Variants in MUC4 observed in about 807,000 individuals in gnomAD.
MUC4 encodes mucin-4.
Under a neutral mutation model 257.9 loss-of-function variants are expected in MUC4, and 202 were observed. The ratio of observed to expected loss-of-function variants is 0.78; its 90% CI spans 0.70 to 0.88. MUC4 has a LOEUF of 0.88. Among genes scored for constraint, MUC4 ranks in the 40% least tolerant of loss-of-function variants. The probability of loss-of-function intolerance (pLI) is 0.00; values close to 1 mark genes in which losing one functional copy is unlikely to be tolerated. For missense variants in MUC4, 5,976 were observed against 6,513.7 expected (o/e 0.92, Z 2.84); for synonymous variants, 2,351 against 2,757.1 (o/e 0.85, Z 4.62).
rs764345070 is a variant in MUC4, at chr3:195,778,987, G to C, written c.12593C>G (p.Thr4198Ser). The C allele has an allele frequency of 7.3e-7, 1 of 1,375,328 alleles. No individual in the cohort carries two copies. Among genetic ancestry groups the C allele is most frequent in the Non-Finnish European group, 9.6e-7 (1 of 1,044,116 alleles). 85.2% of individuals were successfully genotyped at this position (1,375,328 alleles called of 1,614,324 possible). A position where few individuals can be genotyped will look rare whatever the true frequency, so the allele number is the denominator to read the frequency against. Residue 4198 changes from threonine (T) to serine (S), a missense_variant, in exon 2 of 25, where the codon ACT becomes AGT. By Grantham distance (58) the Thr-to-Ser change is moderately conservative (BLOSUM62 1). Transcript: ENST00000463781. ...GGCGTGACCTGTGGATGCTGAGGAA[G>C]TGTCGGTGACAGGAAGAGGGGTGGT... ...GDTTPLPVTD[T>S]SSASTGHATP... is the part of the protein sequence containing the mutation.
chr3:195,789,875 G>A lies in MUC4; in HGVS notation c.1705C>T (p.Gln569Ter), dbSNP rs1469486728. The A allele has an allele frequency of 6.2e-7, 1 of 1,613,918 alleles. No homozygotes were observed. The highest frequency in any genetic ancestry group is 1.1e-5 in the South Asian group (1 of 91,052). Reference protein sequence around the residue: ...TGAGAQTQWTQETGTTGEALL... With the variant: ...TGAGAQTQWT The stretch of plus-strand genomic sequence containing the variant: ...GCCTCTCCAGTGGTCCCCGTTTCTT[G>A]TGTCCATTGTGTCTGGGCGCCTGCC... The change falls in exon 2 of 25, where the codon CAA becomes TAA. Residue 569 changes from glutamine (Q) to a stop codon, truncating the protein, a stop_gained. Transcript: ENST00000463781. LOFTEE classifies it high-confidence loss of function.
chr3:195,770,715 G>T (rs990082149), intron 5 of MUC4: 3 of 424,330 alleles, frequency 7.1e-6, no homozygotes, highest in African/African-American at 4.0e-5. Context: ...GAGAACAGGC[G>T]TGAGTCTCTT....
At position 195,747,272 on chromosome 3, in the gene MUC4, C is replaced by G; in HGVS notation, c.16143G>C (p.Leu5381Phe). The change falls in exon 25 of 25, where the codon TTG becomes TTC. Residue 5381 changes from leucine to phenylalanine, a missense_variant. Coordinates refer to ENST00000463781, the MANE Select transcript of MUC4 (RefSeq NM_018406.7). ...CCACGAACGTCCCGACCCCCAGCAG[C>G]AAGAGGCCGCCCAGGGCCCCAAAGA... ...GIFFGALGGLLLLGVGTFVVL... is the reference protein window; with the variant it reads ...GIFFGALGGLFLLGVGTFVVL... The G allele has an allele frequency of 6.2e-7, 1 of 1,614,228 alleles. No homozygotes were observed. Among genetic ancestry groups the G allele is most frequent in the Non-Finnish European group, 8.5e-7 (1 of 1,180,022 alleles).
intron 1 of MUC4, 102 bp downstream of exon 1, chr3:195,811,634 C>A: frequency 1.5e-6 from 1 of 655,070 alleles, no homozygotes. Context: ...CCCCTATTCT[C>A]TCTCTCTCTC....
At chr3:195,761,721 G>T (rs560173059) in intron 14 of MUC4, 136 bp from the exon 15 acceptor site, 5 of 684,128 alleles carry the variant, frequency 7.3e-6, no homozygotes, top group Non-Finnish European at 1.2e-5. Context: ...GCCTCCAGGG[G>T]AGCCGGGAGG....
chr3:195,747,438 C>T lies in MUC4; in HGVS notation c.16035-58G>A, dbSNP rs576219672. On this transcript the variant is annotated intron_variant, in intron 24 of 24. Coordinates refer to ENST00000463781, the MANE Select transcript of MUC4 (RefSeq NM_018406.7). ...AGGCGGGAGCTCAGCCTCCCAGCCC[C>T]TCCTCTTCTGCTGGGGAAGAAGAGG... 1.9e-5 allele frequency: 30 copies of T among 1,555,686 alleles called. No homozygotes were observed. The Admixed American group carries it at 5.3e-4, about 27-fold the overall frequency.
chr3:195,792,044 A>G (rs1036049765), intron 1 of MUC4, among the ~76,000 whole-genome samples: 2 of 152,192 alleles, frequency 1.3e-5, no homozygotes, highest in Non-Finnish European at 2.9e-5. Context: ...CTAGAAGAAA[A>G]CCTAGGCAAT....
chr3:195,748,115 G>C (rs1431590353), intron 24 of MUC4, among the ~76,000 whole-genome samples: 2 of 152,270 alleles, frequency 1.3e-5, no homozygotes, highest in African/African-American at 4.8e-5. Context: ...GCGGCTTCCT[G>C]CGCTGTTAAC....
At chr3:195,754,900 TGTATGTGTGTG>T (rs1717305212) in intron 18 of MUC4, among the ~76,000 whole-genome samples, 4 of 31,826 alleles carry the variant, frequency 1.3e-4, no homozygotes, top group Non-Finnish European at 2.3e-4. Flanking sequence ...TATCCATGTA[TGTATGTGTGTG>T]TCATGCATGT....
chr3:195,771,646 G>C lies in MUC4; in HGVS notation c.13242+6C>G, dbSNP rs541737556. The stretch of plus-strand genomic sequence containing the variant: ...GATCCTGACTGCCAGGCTTTGAAAG[G>C]CTCACCTGATAAAATGTGGTCCCCC... On this transcript the variant is annotated splice_donor_region_variant and intron_variant, in intron 5 of 24. Coordinates refer to ENST00000463781, the MANE Select transcript of MUC4 (RefSeq NM_018406.7). 48 of 1,611,986 alleles carry C rather than the reference G, an allele frequency of 3.0e-5. No homozygotes were observed. Among genetic ancestry groups the C allele is most frequent in the Non-Finnish European group, 3.6e-5 (43 of 1,178,480 alleles).
chr3:195,808,174 C>T (rs953922738), intron 1 of MUC4, among the ~76,000 whole-genome samples: 1 of 152,056 alleles, frequency 6.6e-6, no homozygotes. Flanking sequence ...GGTTCAATCA[C>T]CCTCCTTCCC....
intron 4 of MUC4, among the ~76,000 whole-genome samples, chr3:195,772,882 C>T (rs1160216888): frequency 9.2e-6 from 1 of 108,726 alleles, no homozygotes; most frequent in African/African-American, 3.7e-5. Context: ...GTGCTCAGGG[C>T]TATAGACACC....
rs1485884871 is a variant in MUC4 at position 195,782,730 on chromosome 3, A to G, written c.8850T>C (p.Thr2950=). The change falls in exon 2 of 25, where the codon ACT becomes ACC. Residue 2950 remains threonine, a synonymous_variant. Coordinates refer to ENST00000463781, the MANE Select transcript of MUC4 (RefSeq NM_018406.7). ...TGGCGTGACCTGTGGATGCTGAGGAAGTGTCGGTGACAGGAAGAGGGGTGG... is the reference window on the plus strand; with the variant it reads ...TGGCGTGACCTGTGGATGCTGAGGAGGTGTCGGTGACAGGAAGAGGGGTGG... ...GDTTPLPVTD[T]SSASTGHATS... The G allele has an allele frequency of 6.5e-7, 1 of 1,530,050 alleles. No individual in the cohort carries two copies. The highest frequency in any genetic ancestry group is 1.2e-5 in the South Asian group (1 of 82,704). The allele number at this position is 1,530,050 out of a possible 1,614,324, so 94.8% of individuals were successfully genotyped here.
chr3:195,793,828 G>T (rs1214205877), intron 1 of MUC4, among the ~76,000 whole-genome samples: 3 of 152,064 alleles, frequency 2.0e-5, no homozygotes, highest in African/African-American at 7.2e-5. Context: ...CTTTTTCGTT[G>T]TTAACATCTG....
intron 3 of MUC4, among the ~76,000 whole-genome samples, chr3:195,775,961 A>G (rs1487196306): frequency 2.9e-4 from 18 of 62,442 alleles, no homozygotes; most frequent in Admixed American, 1.1e-3. Context: ...CATACCTTCC[A>G]CACCCATACC....
chr3:195,778,990 T>A lies in MUC4; in HGVS notation c.12590A>T (p.Asp4197Val), dbSNP rs749904468. The A allele has an allele frequency of 1.1e-5, 14 of 1,301,888 alleles. No individual in the cohort carries two copies. The highest frequency in any genetic ancestry group is 9.7e-5 in the East Asian group (2 of 20,586). The allele number at this position is 1,301,888 out of a possible 1,614,324, so 80.6% of individuals were successfully genotyped here. A position where few individuals can be genotyped will look rare whatever the true frequency, so the allele number is the denominator to read the frequency against. The change falls in exon 2 of 25, where the codon GAC (aspartate) becomes GTC (valine). Residue 4197 changes from aspartate (D) to valine (V), a missense_variant. This residue lies in a region of MUC4 where 22 missense variants were observed against 64.1 expected (regional missense o/e 0.34). Transcript: ENST00000463781. ...TGDTTPLPVT[D>V]TSSASTGHAT... ...GTGACCTGTGGATGCTGAGGAAGTGTCGGTGACAGGAAGAGGGGTGGTGTC... is the reference window on the plus strand; with the variant it reads ...GTGACCTGTGGATGCTGAGGAAGTGACGGTGACAGGAAGAGGGGTGGTGTC...
At position 195,788,485 on chromosome 3, in the gene MUC4, G is replaced by T. The variant is rs1302311931; in HGVS notation, c.3095C>A (p.Ser1032Ter). 3.2e-6 allele frequency: 5 copies of T among 1,548,928 alleles called. No homozygotes were observed. Among genetic ancestry groups the T allele is most frequent in the Non-Finnish European group, 3.5e-6 (4 of 1,145,758 alleles). ...TTPLPVTDTS[S>*]ESTGHVTPLP... ...AGGGGTGACGTGACCTGTGGATTCT[G>T]AGGAAGTGTCGGTGACAGGAAGAGG... The change falls in exon 2 of 25, where the codon TCA becomes TAA. Residue 1032 changes from serine to a stop codon, truncating the protein, a stop_gained. Transcript: ENST00000463781. LOFTEE classifies it high-confidence loss of function.
rs1725709813 is a variant in MUC4 at position 195,778,873 on chromosome 3, C to T, written c.12707G>A (p.Gly4236Asp). The part of the protein sequence containing the change: ...PVTSLSSVST[G>D]HATPLAVSSA... The stretch of plus-strand genomic sequence containing the variant: ...GCTGACAGCAAGAGGGGTGGCGTGA[C>T]CTGTGGATACTGAGGAAAGGCTGGT... Residue 4236 changes from glycine (G) to aspartate (D), a missense_variant, in exon 2 of 25, where the codon GGT (glycine) becomes GAT (aspartate). Physicochemically the swap from Gly to Asp is moderately conservative, Grantham distance 94. Around this residue, in one of 44 missense-constraint regions of MUC4, gnomAD observed 233 missense variants for 171.2 expected, o/e 1.36. Coordinates refer to ENST00000463781, the MANE Select transcript of MUC4 (RefSeq NM_018406.7). 4 of 1,607,386 alleles carry T rather than the reference C, an allele frequency of 2.5e-6. No homozygotes were observed. The highest frequency in any genetic ancestry group is 3.4e-6 in the Non-Finnish European group (4 of 1,177,398).
chr3:195,748,622 C>T (rs1715656811), intron 24 of MUC4, among the ~76,000 whole-genome samples: 1 of 152,284 alleles, frequency 6.6e-6, no homozygotes, highest in African/African-American at 2.4e-5. Flanking sequence ...GCTTAACCTA[C>T]TGCGTCCTGG....
Sources: gnomAD v4.1 joint callset for allele counts (sites outside exome capture counted in the v4.1 genomes callset) on GRCh38, gnomAD v4.1.1 for gene constraint, gnomAD v4.1.1 regional missense constraint, MANE v1.5 for transcripts, NCBI Gene and HGNC (gene_info 2026-07-23, HGNC 2026-07-21) for gene names.